The following ASAH2 variants were observed in gnomAD, a reference collection of about 807,000 sequenced individuals.
The protein encoded by ASAH2 is neutral ceramidase.
A neutral mutation model predicts 82.9 loss-of-function variants in ASAH2; 58 were observed. The observed-to-expected ratio is 0.70, with a 90% CI of 0.57 to 0.87. ASAH2 has a LOEUF of 0.87. ASAH2 is among the 40% of genes least tolerant of loss of function. The pLI is 0.00. For synonymous variants in ASAH2, 276 were observed against 289.7 expected, an observed-to-expected ratio of 0.95 and a Z score of 0.48; for missense variants, 779 against 834.0, an observed-to-expected ratio of 0.93 and a Z score of 0.81.
intron 12 of ASAH2, among the ~76,000 whole-genome samples, chr10:50,210,229 A>C (rs920298631): frequency 5.9e-5 from 9 of 152,088 alleles, no homozygotes; most frequent in Non-Finnish European, 1.2e-4. Flanking sequence ...GGCTGGGAGC[A>C]GTGGCTCACA....
chr10:50,216,765 T>C (rs1371964438), intron 8 of ASAH2, among the ~76,000 whole-genome samples: 1 of 152,208 alleles, frequency 6.6e-6, no homozygotes, highest in Non-Finnish European at 1.5e-5. Flanking sequence ...CTAATTTTCT[T>C]AGGGAAAGAG....
At chr10:50,235,293 T>C (rs1846129321) in intron 5 of ASAH2, among the ~76,000 whole-genome samples, 1 of 151,920 alleles carries the variant, frequency 6.6e-6, no homozygotes, top group Non-Finnish European at 1.5e-5. Flanking sequence ...AAGCCTGGAA[T>C]ACAATAAAAT....
intron 7 of ASAH2, among the ~76,000 whole-genome samples, chr10:50,232,039 G>T (rs1315060835): frequency 1.3e-5 from 2 of 152,106 alleles, no homozygotes; most frequent in Non-Finnish European, 2.9e-5. Flanking sequence ...TTAGTAAGTG[G>T]CAGAGGGCTG....
In ASAH2 at chr10:50,218,571, T is replaced by C; in HGVS notation, c.953A>G (p.Asn318Ser). The C allele has an allele frequency of 1.9e-6, 3 of 1,613,774 alleles. No homozygotes were observed. The highest frequency in any genetic ancestry group is 2.5e-6 in the Non-Finnish European group (3 of 1,179,778). The change falls in exon 8 of 21, where the codon AAT becomes AGT. Residue 318 changes from asparagine (N) to serine (S), a missense_variant. Physicochemically the swap from Asn to Ser is conservative, Grantham distance 46 (BLOSUM62 1). Around this residue, in one of 3 missense-constraint regions of ASAH2, gnomAD observed 759 missense variants for 755.2 expected, o/e 1.00. Transcript: ENST00000682911. ...NNSNHLVNSDNVGYASYLLEQ... is the reference protein window; with the variant it reads ...NNSNHLVNSDSVGYASYLLEQ... ...AAGCAGGTAAGATGCATAGCCCACA[T>C]TGTCACTGTTTACAAGATGGTTACT...
At chr10:50,249,099 G>A (rs947879354) in intron 1 of ASAH2, among the ~76,000 whole-genome samples, 4 of 152,170 alleles carry the variant, frequency 2.6e-5, no homozygotes, top group Admixed American at 2.6e-4. Flanking sequence ...AGTACTCTGT[G>A]GTCATGGACT....
intron 7 of ASAH2, among the ~76,000 whole-genome samples, chr10:50,231,915 G>A (rs922891016): frequency 2.0e-5 from 3 of 152,162 alleles, no homozygotes; most frequent in Non-Finnish European, 4.4e-5. Flanking sequence ...CTAGAGTTTT[G>A]TATGCATTAT....
At chr10:50,208,619 A>G (rs1845372415) in intron 12 of ASAH2, among the ~76,000 whole-genome samples, 1 of 152,090 alleles carries the variant, frequency 6.6e-6, no homozygotes, top group Non-Finnish European at 1.5e-5. Context: ...TATTTTTTGT[A>G]TTTGTCTTAA....
chr10:50,251,343 A>C (rs987215862), intron 1 of ASAH2, among the ~76,000 whole-genome samples, 52 bp downstream of exon 1: 8 of 152,178 alleles, frequency 5.3e-5, no homozygotes, highest in African/African-American at 1.9e-4. Context: ...ACAATAGGAT[A>C]ATTCAAGAGC....
At chr10:50,200,842 G>A (rs1323187283) in intron 16 of ASAH2, among the ~76,000 whole-genome samples, 2 of 152,140 alleles carry the variant, frequency 1.3e-5, no homozygotes, top group Non-Finnish European at 2.9e-5. Context: ...GTAGAAGAGA[G>A]TGGTTCCCTG....
intron 5 of ASAH2, 77 bp from the exon 6 acceptor site, chr10:50,234,629 A>G (rs942462122): frequency 5.6e-5 from 89 of 1,598,284 alleles, no homozygotes; most frequent in Non-Finnish European, 7.0e-5. Flanking sequence ...ATATAAACAG[A>G]AGAGCCCTGT....
intron 4 of ASAH2, among the ~76,000 whole-genome samples, chr10:50,242,523 G>C (rs544037648): frequency 1.2e-4 from 18 of 152,334 alleles, no homozygotes; most frequent in African/African-American, 4.1e-4. Context: ...TTAGTGACCT[G>C]ATTCCATGCA....
intron 12 of ASAH2, among the ~76,000 whole-genome samples, 157 bp from the exon 13 acceptor site, chr10:50,206,254 G>A (rs1028143296): frequency 0.69 from 105,360 of 151,642 alleles, 40,967 homozygotes; most frequent in Non-Finnish European, 0.88. Context: ...AATAGAATAG[G>A]AAAAATGTCC....
intron 12 of ASAH2, 43 bp from the exon 13 acceptor site, chr10:50,206,140 C>G: frequency 2.9e-6 from 4 of 1,390,348 alleles, no homozygotes; most frequent in Non-Finnish European, 3.1e-6. Flanking sequence ...TGAACCAACC[C>G]TCTCAAAAAA....
At chr10:50,205,084 T>C in intron 13 of ASAH2, 129 bp from the exon 14 acceptor site, 1 of 611,648 alleles carries the variant, frequency 1.6e-6, no homozygotes, top group Non-Finnish European at 2.8e-6. Context: ...TATATGGGCA[T>C]TTATGTCCTA....
intron 5 of ASAH2, among the ~76,000 whole-genome samples, chr10:50,234,850 T>G (rs1846113772): frequency 6.6e-6 from 1 of 152,110 alleles, no homozygotes; most frequent in Admixed American, 6.6e-5. Flanking sequence ...TGAGGTTCAG[T>G]TTGTCACTTC....
At chr10:50,226,077 A>G (rs999856046) in intron 7 of ASAH2, among the ~76,000 whole-genome samples, 21 of 151,954 alleles carry the variant, frequency 1.4e-4, no homozygotes, top group Non-Finnish European at 2.8e-4. Context: ...TGGGCAACAG[A>G]GCAAGACTCC....
chr10:50,246,433 T>C (rs1027666062), intron 2 of ASAH2, among the ~76,000 whole-genome samples: 8 of 152,212 alleles, frequency 5.3e-5, no homozygotes, highest in African/African-American at 1.9e-4. Flanking sequence ...TTTTGTTTAT[T>C]TCCCTTCCTC....
chr10:50,202,762 C>G (rs1845186669), intron 16 of ASAH2, 67 bp downstream of exon 16: 2 of 1,097,166 alleles, frequency 1.8e-6, no homozygotes, highest in East Asian at 2.4e-5. Context: ...CAAAGCAAGT[C>G]TGCATTTGAC....
rs1336561737 is a variant in ASAH2 at position 50,184,932 on chromosome 10, C to T, written c.*2383G>A. On this transcript the variant is annotated 3_prime_UTR_variant, in exon 21 of 21. Coordinates refer to ENST00000682911, the MANE Select transcript of ASAH2 (RefSeq NM_019893.4). ...ATTGACAATTTTACACAGTACTCAT[C>T]AAAAAATCTAGACCTGGAAAAGAGA... 2 of 151,408 alleles carry T rather than the reference C, an allele frequency of 1.3e-5. No homozygotes were observed. Among genetic ancestry groups the T allele is most frequent in the Non-Finnish European group, 3.0e-5 (2 of 67,678 alleles). The allele number at this position is 151,408 out of a possible 1,614,324, so 9.4% of individuals were successfully genotyped here.
Sources: allele counts gnomAD v4.1 joint callset (sites outside exome capture counted in the v4.1 genomes callset), GRCh38; gene constraint gnomAD v4.1.1; regional missense constraint gnomAD v4.1.1; transcripts MANE v1.5; gene names NCBI Gene and HGNC (gene_info 2026-07-23, HGNC 2026-07-21).